The following C12orf76 variants were observed in gnomAD, a reference collection of about 807,000 sequenced individuals.
The protein encoded by C12orf76 is uncharacterized protein C12orf76.
In C12orf76, 6 loss-of-function variants were observed where a neutral mutation model predicts 6.8. The observed-to-expected ratio is 0.88, with a 90% CI of 0.48 to 1.73. The LOEUF (loss-of-function observed/expected upper bound fraction) is 1.73. Ranked by LOEUF, C12orf76 falls within the 40% of genes most tolerant of loss-of-function variation. C12orf76 has a pLI of 0.01. For missense variants in C12orf76, 99 were observed against 98.2 expected (o/e 1.01, Z -0.03); for synonymous variants, 56 against 43.7 (o/e 1.28, Z -1.11).
chr12:110,065,862 G>C (rs767653083), exon 2 of C12orf76: 2 of 1,614,134 alleles, frequency 1.2e-6, no homozygotes, highest in Non-Finnish European at 1.7e-6. Context: ...TCTCTTACCA[G>C]GTTCTGGAAC....
At chr12:110,048,636 C>G (rs1237939191), upstream of C12orf76, 2 of 1,290,912 alleles carry the variant, frequency 1.5e-6, no homozygotes, top group Non-Finnish European at 2.0e-6. Flanking sequence ...GGTCTAAGTT[C>G]CGCTTCTGCC....
intron 1 of C12orf76, among the ~76,000 whole-genome samples, chr12:110,045,676 A>G (rs1341434695): frequency 6.6e-6 from 1 of 151,288 alleles, no homozygotes; most frequent in East Asian, 2.0e-4. Context: ...AAAATAAAAA[A>G]GGCCAGGCGC....
At chr12:110,068,836 A>T (rs879791803), upstream of C12orf76, among the ~76,000 whole-genome samples, 3 of 152,104 alleles carry the variant, frequency 2.0e-5, no homozygotes, top group Non-Finnish European at 2.9e-5. Flanking sequence ...ATTGCCACCT[A>T]TGGTCCACAC....
rs1044773735 is a variant in C12orf76 at position 110,048,424 on chromosome 12, C to A, written c.72G>T (p.Pro24=). Residue 24 remains proline (P), a synonymous_variant, in exon 1 of 2, where the codon CCG becomes CCT. Transcript: ENST00000615315. ...TCCGCTCCAGCGGATCCACGGGGCT[C>A]GGGGCCTCTGCCTCCCCCACCAGGA... ...CSLLVGEAEA[P]SPVDPLERSR... 1.8e-5 allele frequency: 28 copies of A among 1,513,854 alleles called. No homozygotes were observed. The highest frequency in any genetic ancestry group is 2.4e-5 in the Non-Finnish European group (27 of 1,135,986). The allele number at this position is 1,513,854 out of a possible 1,614,324, so 93.8% of individuals were successfully genotyped here. A position where few individuals can be genotyped will look rare whatever the true frequency, so the allele number is the denominator to read the frequency against.
intron 2 of C12orf76, among the ~76,000 whole-genome samples, chr12:110,063,407 C>G (rs550382321): frequency 6.6e-6 from 1 of 151,154 alleles, no homozygotes; most frequent in East Asian, 1.9e-4. Flanking sequence ...CCTCAGCCTC[C>G]GAGTAGCTGG....
intron 1 of C12orf76, among the ~76,000 whole-genome samples, chr12:110,047,058 A>C (rs1025819371): frequency 6.6e-6 from 1 of 152,156 alleles, no homozygotes; most frequent in Non-Finnish European, 1.5e-5. Flanking sequence ...CATGGCAAAC[A>C]CTGAGTTCAT....
upstream of C12orf76, chr12:110,048,538 A>C (rs1892514307): frequency 2.9e-6 from 4 of 1,375,700 alleles, no homozygotes; most frequent in East Asian, 1.2e-4. Flanking sequence ...TTCCGTCGCA[A>C]GCCCTGCCTC....
upstream of C12orf76, among the ~76,000 whole-genome samples, chr12:110,069,023 A>G (rs891059734): frequency 2.0e-5 from 3 of 152,264 alleles, no homozygotes; most frequent in African/African-American, 7.2e-5. Flanking sequence ...TAGATAGTCC[A>G]TTAACAAAGA....
intron 3 of C12orf76, chr12:110,057,339 C>T: frequency 7.7e-7 from 1 of 1,297,318 alleles, no homozygotes. Flanking sequence ...GCTGAGCCTC[C>T]AAAGTGAACT....
chr12:110,073,602 C>T, exon 1 of C12orf76: 1 of 443,974 alleles, frequency 2.3e-6, no homozygotes, highest in Non-Finnish European at 4.5e-6. Context: ...CCAGATGGGG[C>T]CACAGCAAGC....
At chr12:110,048,715 C>G, upstream of C12orf76, 1 of 1,205,188 alleles carries the variant, frequency 8.3e-7, no homozygotes, top group Non-Finnish European at 1.0e-6. Flanking sequence ...CCGTTCAGAT[C>G]AACTTTCCGT....
rs1892315607 is a variant in C12orf76, at chr12:110,041,704, C to T, written c.*670G>A. ...TCAATGTGTTTAAGCAGGATGGGGT[C>T]CTTTTTGTAACAGGCCAACCTAGTA... On this transcript the variant is annotated 3_prime_UTR_variant, in exon 2 of 2. Coordinates refer to ENST00000615315, the MANE Select transcript of C12orf76 (RefSeq NM_001389625.1). The T allele has an allele frequency of 6.5e-6, 1 of 152,688 alleles. No homozygotes were observed. Among genetic ancestry groups the T allele is most frequent in the Non-Finnish European group, 1.5e-5 (1 of 68,458 alleles). 9.5% of individuals were successfully genotyped at this position (152,688 alleles called of 1,614,324 possible).
chr12:110,065,276 TTTTTGTG>T (rs1892839604), intron 2 of C12orf76, among the ~76,000 whole-genome samples: 1 of 151,860 alleles, frequency 6.6e-6, no homozygotes, highest in Non-Finnish European at 1.5e-5. Context: ...ATTCAAGCAA[TTTTTGTG>T]CCTCAGCCTC....
upstream of C12orf76, among the ~76,000 whole-genome samples, chr12:110,053,672 G>C (rs1892621340): frequency 1.3e-5 from 2 of 152,218 alleles, no homozygotes; most frequent in South Asian, 4.1e-4. Context: ...AGAAACTCTT[G>C]TACATGTGCT....
chr12:110,058,114 A>G (rs1188385602), intron 3 of C12orf76, among the ~76,000 whole-genome samples: 1 of 150,428 alleles, frequency 6.6e-6, no homozygotes, highest in Non-Finnish European at 1.5e-5. Flanking sequence ...CAAATCACTC[A>G]GGCAATCATT....
intron 4 of C12orf76, among the ~76,000 whole-genome samples, chr12:110,056,522 G>A (rs1373203608): frequency 6.6e-5 from 10 of 152,156 alleles, no homozygotes; most frequent in Non-Finnish European, 1.5e-5. Flanking sequence ...GAGGTGGGAG[G>A]ATTCCTTGAG....
intron 1 of C12orf76, among the ~76,000 whole-genome samples, chr12:110,045,569 C>G (rs529743320): frequency 8.7e-4 from 132 of 151,426 alleles, no homozygotes; most frequent in African/African-American, 3.2e-3. Flanking sequence ...GGCAACAGAG[C>G]GAGACTCCAT....
intron 1 of C12orf76, among the ~76,000 whole-genome samples, chr12:110,043,814 C>T (rs1323956255): frequency 6.6e-6 from 1 of 151,108 alleles, no homozygotes; most frequent in Non-Finnish European, 1.5e-5. Flanking sequence ...AAGCTTATAC[C>T]ACTGCACTCC....
Position 110,065,945 on chromosome 12 carries a change from C to T in C12orf76, n.295G>A, listed in dbSNP as rs1022721817. 21 of 1,613,688 alleles carry T rather than the reference C, an allele frequency of 1.3e-5. No individual in the cohort carries two copies. In the Admixed American group the frequency reaches 1.3e-4, roughly 10 times the overall value. Reference sequence around the variant, plus strand: ...ACTGTTCTCTTGGTCCCGTGTATCACGTGGCTGGATTCTTCTCCTTCTATG... The same window carrying T: ...ACTGTTCTCTTGGTCCCGTGTATCATGTGGCTGGATTCTTCTCCTTCTATG... On this transcript the variant is annotated non_coding_transcript_exon_variant, in exon 2 of 5. Transcript: ENST00000309050.
Sources: gnomAD v4.1 joint callset for allele counts (sites outside exome capture counted in the v4.1 genomes callset) on GRCh38, gnomAD v4.1.1 for gene constraint, MANE v1.5 for transcripts, NCBI Gene and HGNC (gene_info 2026-07-23, HGNC 2026-07-21) for gene names.